CCSER1: variants seen among roughly 807,000 people sequenced by gnomAD.
The protein encoded by CCSER1 is serine-rich coiled-coil domain-containing protein 1.
A neutral mutation model predicts 82.0 loss-of-function variants in CCSER1; 41 were observed. The ratio of observed to expected loss-of-function variants is 0.50; its 90% confidence interval spans 0.39 to 0.65. The LOEUF (loss-of-function observed/expected upper bound fraction) is 0.65, where lower values mean the gene tolerates loss of function less well. Ranked by LOEUF, CCSER1 falls within the 30% of genes least tolerant of loss-of-function variation. The pLI is 0.00. For synonymous variants in CCSER1, 414 were observed against 383.9 expected, an observed-to-expected ratio of 1.08 and a Z score of -0.92; for missense variants, 1,119 against 1,064.2, an observed-to-expected ratio of 1.05 and a Z score of -0.72.
chr4:90,389,975 C>A (rs1750713277), intron 3 of CCSER1, among the ~76,000 whole-genome samples: 1 of 151,988 alleles, frequency 6.6e-6, no homozygotes, highest in South Asian at 2.1e-4. Flanking sequence ...ATTTTTAGCA[C>A]CTATTATATG....
At chr4:91,098,167 A>T (rs1252507202) in intron 10 of CCSER1, among the ~76,000 whole-genome samples, 1 of 152,238 alleles carries the variant, frequency 6.6e-6, no homozygotes, top group South Asian at 2.1e-4. Flanking sequence ...ATTTGAATAT[A>T]TAACATCCTA....
At chr4:90,640,284 T>A (rs1726247976) in intron 6 of CCSER1, among the ~76,000 whole-genome samples, 1 of 152,164 alleles carries the variant, frequency 6.6e-6, no homozygotes, top group Non-Finnish European at 1.5e-5. Context: ...AATTCCTTTA[T>A]GGCATTGGTC....
At chr4:91,080,632 G>T (rs868307111) in intron 9 of CCSER1, among the ~76,000 whole-genome samples, 2 of 152,072 alleles carry the variant, frequency 1.3e-5, no homozygotes, top group African/African-American at 2.4e-5. Context: ...CCTGGAGCTG[G>T]TTTTCTGAAA....
chr4:90,859,168 CATT>C (rs1472413621), intron 8 of CCSER1, among the ~76,000 whole-genome samples: 1 of 151,792 alleles, frequency 6.6e-6, no homozygotes, highest in Non-Finnish European at 1.5e-5. Flanking sequence ...TTCTGACACA[CATT>C]GTTGTTTGGC....
At chr4:91,238,110 A>T (rs1459012561) in intron 10 of CCSER1, among the ~76,000 whole-genome samples, 1 of 152,126 alleles carries the variant, frequency 6.6e-6, no homozygotes, top group Admixed American at 6.5e-5. Context: ...CTTTAGTGTC[A>T]ACAGGATTTC....
At chr4:90,694,295 C>A (rs577726402) in intron 6 of CCSER1, among the ~76,000 whole-genome samples, 1 of 151,946 alleles carries the variant, frequency 6.6e-6, no homozygotes, top group East Asian at 1.9e-4. Flanking sequence ...TTGTAGTGTG[C>A]CAGAGTTGGA....
At chr4:90,402,550 G>A (rs568302920) in intron 4 of CCSER1, among the ~76,000 whole-genome samples, 3 of 152,234 alleles carry the variant, frequency 2.0e-5, no homozygotes, top group Non-Finnish European at 2.9e-5. Flanking sequence ...GGCAAGAGTT[G>A]CATGGGGTGA....
chr4:90,673,464 A>G (rs536604681), intron 6 of CCSER1, among the ~76,000 whole-genome samples: 7 of 152,112 alleles, frequency 4.6e-5, no homozygotes, highest in African/African-American at 1.4e-4. Context: ...GCGGCCACTT[A>G]TCCCCAAACT....
chr4:91,266,783 G>A lies in CCSER1; in HGVS notation c.2217+180789G>A, dbSNP rs537461245. ...GTAGCTGGCTGATCCTTATCTTACC[G>A]GATAAGTGGACACTGATTGAATATA... On this transcript the variant is annotated intron_variant, in intron 10 of 10. Coordinates refer to ENST00000509176, the MANE Select transcript of CCSER1 (RefSeq NM_001145065.2). 5.3e-5 allele frequency among the ~76,000 whole-genome samples: 8 copies of A among 152,144 alleles called. No individual in the cohort carries two copies. The East Asian group carries it at 7.7e-4, about 15-fold the overall frequency.
intron 7 of CCSER1, among the ~76,000 whole-genome samples, chr4:90,732,358 C>T (rs916305547): frequency 2.6e-5 from 4 of 152,068 alleles, no homozygotes; most frequent in African/African-American, 9.7e-5. Context: ...ACACAGAATT[C>T]AACAGAGATC....
chr4:90,902,823 C>A (rs919561975), intron 8 of CCSER1, among the ~76,000 whole-genome samples: 6 of 151,908 alleles, frequency 3.9e-5, no homozygotes, highest in Non-Finnish European at 7.4e-5. Context: ...AGTGGAAGCA[C>A]CTGCCCTGAC....
At chr4:91,577,207 TCAGA>T (rs1763491986) in intron 10 of CCSER1, among the ~76,000 whole-genome samples, 1 of 152,044 alleles carries the variant, frequency 6.6e-6, no homozygotes, top group Non-Finnish European at 1.5e-5. Flanking sequence ...AGCTCAAAGT[TCAGA>T]CAGTTTATGA....
chr4:90,341,378 A>C (rs1741355125), intron 3 of CCSER1, among the ~76,000 whole-genome samples: 2 of 152,116 alleles, frequency 1.3e-5, no homozygotes, highest in African/African-American at 4.8e-5. Flanking sequence ...CATGTAAATC[A>C]GATTATGATG....
At chr4:90,702,765 T>G (rs947101731) in intron 6 of CCSER1, among the ~76,000 whole-genome samples, 8 of 152,154 alleles carry the variant, frequency 5.3e-5, no homozygotes, top group Admixed American at 4.6e-4. Context: ...TGTGTAGAGG[T>G]GTTTATAGTA....
At chr4:90,745,260 A>T (rs62312984) in intron 7 of CCSER1, among the ~76,000 whole-genome samples, 8,674 of 152,264 alleles carry the variant, frequency 0.057, 358 homozygotes, top group Admixed American at 0.11. Context: ...GCAATGGCCT[A>T]TCTCAAGTCT....
intron 1 of CCSER1, among the ~76,000 whole-genome samples, chr4:90,146,545 G>A (rs1376902354): frequency 6.6e-6 from 1 of 151,912 alleles, no homozygotes; most frequent in African/African-American, 2.4e-5. Flanking sequence ...TCACAATAAA[G>A]ATACACATTA....
At chr4:91,084,526 C>CA (rs33957245) in intron 9 of CCSER1, among the ~76,000 whole-genome samples, 31,594 of 151,948 alleles carry the variant, frequency 0.21, 3,836 homozygotes, top group African/African-American at 0.32. Context: ...AGTCTGAATT[C>CA]AAAGCATCCC....
At chr4:91,521,724 GTTGT>G (rs888900791) in intron 10 of CCSER1, among the ~76,000 whole-genome samples, 1 of 152,136 alleles carries the variant, frequency 6.6e-6, no homozygotes, top group Non-Finnish European at 1.5e-5. Context: ...TTTTGATGGG[GTTGT>G]TTGATATTTT....
intron 6 of CCSER1, among the ~76,000 whole-genome samples, chr4:90,632,059 C>T (rs938569222): frequency 3.3e-5 from 5 of 152,036 alleles, no homozygotes; most frequent in Non-Finnish European, 5.9e-5. Flanking sequence ...TTCAAGTACT[C>T]TTATCTATAT....
Sources: allele counts gnomAD v4.1 joint callset (sites outside exome capture counted in the v4.1 genomes callset), GRCh38; gene constraint gnomAD v4.1.1; transcripts MANE v1.5; gene names NCBI Gene and HGNC (gene_info 2026-07-23, HGNC 2026-07-21).